The following ZNF19 variants were observed in gnomAD, a reference collection of about 807,000 sequenced individuals.
The protein encoded by ZNF19 is zinc finger protein 19.
A neutral mutation model predicts 13.1 loss-of-function variants in ZNF19; 11 were observed. That is an observed-to-expected ratio of 0.84 (90% confidence interval 0.53 to 1.39). ZNF19 has a LOEUF of 1.39. Among genes scored for constraint, ZNF19 ranks in the 40% most tolerant of loss-of-function variants. The probability of loss-of-function intolerance (pLI) is 0.00; values close to 1 mark genes in which losing one functional copy is unlikely to be tolerated. For missense variants in ZNF19, 560 were observed against 547.0 expected, an observed-to-expected ratio of 1.02 and a Z score of -0.24; for synonymous variants, 186 against 187.0, an observed-to-expected ratio of 0.99 and a Z score of 0.04.
At chr16:71,482,053 AG>A (rs1290276702) in intron 3 of ZNF19, 28 bp downstream of exon 3, 1 of 1,613,378 alleles carries the variant, frequency 6.2e-7, no homozygotes, top group South Asian at 1.1e-5. Context: ...AGACCTCCAT[AG>A]AGCTGACCTC....
At position 71,475,270 on chromosome 16, in the gene ZNF19, G is replaced by A. The variant is rs761209018; in HGVS notation, c.1277C>T (p.Ser426Phe). 1.9e-6 allele frequency: 3 copies of A among 1,614,214 alleles called. No homozygotes were observed. Among genetic ancestry groups the A allele is most frequent in the East Asian group, 4.5e-5 (2 of 44,890 alleles). The change falls in exon 6 of 6, where the codon TCC becomes TTC. Residue 426 changes from serine to phenylalanine, a missense_variant. Physicochemically the swap from Ser to Phe is radical, Grantham distance 155. Transcript: ENST00000288177. ...GACATGCTCAAGGTGACCTAGCTGG[G>A]AAGAAGTCCCAAAGGCCTTCTCATA... ...SKYEKAFGTS[S>F]QLGHLEHVYS...
chr16:71,477,275 T>A (rs981355575), intron 5 of ZNF19, among the ~76,000 whole-genome samples: 8 of 151,498 alleles, frequency 5.3e-5, no homozygotes, highest in African/African-American at 1.9e-4. Context: ...TAACCAAGAG[T>A]CTGAAAAAGA....
rs774444308 is a variant in ZNF19 at position 71,482,069 on chromosome 16, A to T, written c.33+13T>A. 4.3e-6 allele frequency: 7 copies of T among 1,613,900 alleles called. No individual in the cohort carries two copies. ...GACCTCCATAGAGCTGACCTCAGGG[A>T]TCCACAGCTCACCTGGTATTGAGCT... is the stretch of plus-strand genomic sequence containing the variant. On this transcript the variant is annotated intron_variant, in intron 3 of 5. Transcript: ENST00000288177.
chr16:71,480,590 A>G (rs759573187), intron 3 of ZNF19, among the ~76,000 whole-genome samples: 6 of 152,204 alleles, frequency 3.9e-5, no homozygotes, highest in Non-Finnish European at 7.4e-5. Context: ...TCACTGTGGT[A>G]CAATCAGTAA....
intron 3 of ZNF19, 28 bp downstream of exon 3, chr16:71,482,054 G>A: frequency 6.2e-7 from 1 of 1,613,642 alleles, no homozygotes; most frequent in Non-Finnish European, 8.5e-7. Context: ...GACCTCCATA[G>A]AGCTGACCTC....
Position 71,475,945 on chromosome 16 carries a change from T to A in ZNF19, c.602A>T (p.Asn201Ile). 6.2e-7 allele frequency: 1 copy of A among 1,613,906 alleles called. No homozygotes were observed. Among genetic ancestry groups the A allele is most frequent in the Non-Finnish European group, 8.5e-7 (1 of 1,179,994 alleles). The change falls in exon 6 of 6, where the codon AAT (asparagine) becomes ATT (isoleucine). Residue 201 changes from asparagine (N) to isoleucine (I), a missense_variant. Asn to Ile is a moderately radical substitution (Grantham distance 149). Coordinates refer to ENST00000288177, the MANE Select transcript of ZNF19 (RefSeq NM_006961.4). ...CCTCTGGTGCCGAATTAACGAAGAA[T>A]TACCATTAAAGGCTTTTCCACACTC... Reference protein sequence around the residue: ...CSECGKAFNGNSSLIRHQRIH... With the variant: ...CSECGKAFNGISSLIRHQRIH...
intron 1 of ZNF19, chr16:71,488,863 C>T (rs2043700314): frequency 6.6e-6 from 1 of 152,270 alleles, no homozygotes; most frequent in Admixed American, 6.5e-5. Flanking sequence ...TTTGTTTGGA[C>T]ACAGGTCTCC....
rs1405028371 is a variant in ZNF19 at position 71,475,004 on chromosome 16, T to C, written c.*166A>G. The stretch of plus-strand genomic sequence containing the variant: ...GGAGAGTATTTGTTCCTATTAGCTC[T>C]TGCAATCCTGGGACTCTAATTGAAC... On this transcript the variant is annotated 3_prime_UTR_variant, in exon 6 of 6. Transcript: ENST00000288177. 1.2e-6 allele frequency: 1 copy of C among 851,094 alleles called. No homozygotes were observed. Among genetic ancestry groups the C allele is most frequent in the Admixed American group, 3.0e-5 (1 of 33,022 alleles). 52.7% of individuals were successfully genotyped at this position (851,094 alleles called of 1,614,324 possible).
chr16:71,483,266 G>A (rs1185181230), intron 2 of ZNF19, among the ~76,000 whole-genome samples: 1 of 152,110 alleles, frequency 6.6e-6, no homozygotes, highest in Non-Finnish European at 1.5e-5. Context: ...AAACATCTGG[G>A]TTATTGTTTT....
chr16:71,484,550 C>G, intron 2 of ZNF19, 39 bp downstream of exon 2: 1 of 985,424 alleles, frequency 1.0e-6, no homozygotes, highest in Non-Finnish European at 1.2e-6. Flanking sequence ...AGTGCCTGAG[C>G]CTAGCAAGGA....
chr16:71,477,645 C>T (rs2043610980), intron 5 of ZNF19, among the ~76,000 whole-genome samples: 2 of 152,046 alleles, frequency 1.3e-5, no homozygotes, highest in Non-Finnish European at 2.9e-5. Flanking sequence ...GACTCTCCAC[C>T]CACCTTCTCA....
At chr16:71,483,825 G>A (rs1050115379) in intron 2 of ZNF19, among the ~76,000 whole-genome samples, 4 of 152,166 alleles carry the variant, frequency 2.6e-5, no homozygotes, top group Non-Finnish European at 4.4e-5. Context: ...CCTGTCCCTC[G>A]CAGAGCTTAG....
chr16:71,478,341 C>A lies in ZNF19; in HGVS notation c.161G>T (p.Gly54Val). 2 of 1,609,916 alleles carry A rather than the reference C, an allele frequency of 1.2e-6. No homozygotes were observed. Among genetic ancestry groups the A allele is most frequent in the Non-Finnish European group, 1.7e-6 (2 of 1,176,646 alleles). Reference protein sequence around the residue: ...LENFGNLTALGYPVPKPALIS... With the variant: ...LENFGNLTALVYPVPKPALIS... ...CAGTGCAGGTTTGGGAACTGGGTAC[C>A]CTGAAAACAGGAAGAAAATGGTACT... Residue 54 changes from glycine to valine, a missense_variant and splice_region_variant, in exon 5 of 6, where the codon GGG becomes GTG. Coordinates refer to ENST00000288177, the MANE Select transcript of ZNF19 (RefSeq NM_006961.4).
intron 3 of ZNF19, among the ~76,000 whole-genome samples, chr16:71,481,738 T>C (rs554843059): frequency 2.6e-5 from 4 of 152,336 alleles, no homozygotes; most frequent in Admixed American, 2.6e-4. Context: ...GTGCCCTTGC[T>C]GATCTTAGTC....
intron 1 of ZNF19, 125 bp from the exon 2 acceptor site, chr16:71,484,873 TCA>T: frequency 3.4e-6 from 1 of 296,408 alleles, no homozygotes; most frequent in South Asian, 1.3e-4. Context: ...CCGATAGAAA[TCA>T]CAGATATTTT....
chr16:71,483,370 A>T (rs1369833641), intron 2 of ZNF19, among the ~76,000 whole-genome samples: 1 of 152,248 alleles, frequency 6.6e-6, no homozygotes, highest in African/African-American at 2.4e-5. Context: ...TTAATGCATG[A>T]TGCTGTTTTC....
In ZNF19 at chr16:71,479,072, G is replaced by C. The variant is rs571534620; in HGVS notation, c.34-67C>G. Reference sequence around the variant, plus strand: ...GCTCCGGGCCAGAGTGTGGGGCAGAGGGGACAGGTAGGGACTTGAGGGAAA... The same window carrying C: ...GCTCCGGGCCAGAGTGTGGGGCAGACGGGACAGGTAGGGACTTGAGGGAAA... On this transcript the variant is annotated intron_variant, in intron 3 of 5. Transcript: ENST00000288177. 43 of 1,612,266 alleles carry C rather than the reference G, an allele frequency of 2.7e-5. No homozygotes were observed. The African/African-American group carries it at 4.5e-4, about 17-fold the overall frequency.
intron 3 of ZNF19, 150 bp downstream of exon 3, chr16:71,481,932 G>T (rs1047906913): frequency 3.8e-6 from 3 of 782,004 alleles, no homozygotes; most frequent in Non-Finnish European, 6.5e-6. Flanking sequence ...ACTGCCCCTA[G>T]CTCTTTCCCC....
At position 71,475,983 on chromosome 16, in the gene ZNF19, AG is replaced by A. The variant is rs2043600004; in HGVS notation, c.563del (p.Pro188LeufsTer17). ...CTTTTCCACACTCACTACACTCAAA[AG>A]GTTTCTCCCCAGTGTGGATTCTCTG... is the stretch of plus-strand genomic sequence containing the variant. ...RHQRIHTGEK[P>X]FECSECGKAF... On this transcript the variant is annotated frameshift_variant, in exon 6 of 6. Coordinates refer to ENST00000288177, the MANE Select transcript of ZNF19 (RefSeq NM_006961.4). LOFTEE classifies it low-confidence loss of function (END_TRUNC). 1 of 1,606,888 alleles carries A rather than the reference AG, an allele frequency of 6.2e-7. No homozygotes were observed. The highest frequency in any genetic ancestry group is 1.1e-5 in the South Asian group (1 of 90,818).
Sources: gnomAD v4.1 joint callset for allele counts (sites outside exome capture counted in the v4.1 genomes callset) on GRCh38, gnomAD v4.1.1 for gene constraint, MANE v1.5 for transcripts, NCBI Gene and HGNC (gene_info 2026-07-23, HGNC 2026-07-21) for gene names.